ASPA: variants seen among roughly 807,000 people sequenced by gnomAD.
The protein encoded by ASPA is aspartoacylase.
Under a neutral mutation model 29.6 loss-of-function variants are expected in ASPA, and 25 were observed. The ratio of observed to expected loss-of-function variants is 0.85; its 90% CI spans 0.62 to 1.18. The LOEUF is 1.18. Ranked by LOEUF, ASPA falls within the 50% of genes most tolerant of loss-of-function variation. The pLI, the probability that ASPA is intolerant of heterozygous loss-of-function variation, is 0.00. For synonymous variants in ASPA, 131 were observed against 130.3 expected (o/e 1.01, Z -0.04); for missense variants, 333 against 385.7 (o/e 0.86, Z 1.14).
At chr17:3,484,290 T>C (rs2073682802) in intron 3 of ASPA, among the ~76,000 whole-genome samples, 1 of 152,194 alleles carries the variant, frequency 6.6e-6, no homozygotes, top group Non-Finnish European at 1.5e-5. Flanking sequence ...AACCCTGTGC[T>C]AGGTGCGGGG....
At chr17:3,484,308 C>A (rs1032068724) in intron 3 of ASPA, among the ~76,000 whole-genome samples, 3 of 152,164 alleles carry the variant, frequency 2.0e-5, no homozygotes, top group African/African-American at 7.2e-5. Flanking sequence ...GGGGACAGAA[C>A]AATGAGCAAG....
At chr17:3,494,568 C>T in intron 5 of ASPA, 109 bp downstream of exon 5, 1 of 881,730 alleles carries the variant, frequency 1.1e-6, no homozygotes. Flanking sequence ...TTGATGCTCT[C>T]ATTAGACACT....
rs767152579 is a variant in ASPA, at chr17:3,489,320, T to C, written c.612T>C (p.Asp204=). The change falls in exon 4 of 6, where the codon GAT becomes GAC. Residue 204 remains aspartate, a synonymous_variant. Coordinates refer to ENST00000263080, the MANE Select transcript of ASPA (RefSeq NM_000049.4). ...QMRKMIKHAL[D]FIHHFNEGKE... ...GAAAAATGATTAAACATGCTCTTGA[T>C]TTTATACATCATTTCAATGAAGGTA... 4 of 1,610,276 alleles carry C rather than the reference T, an allele frequency of 2.5e-6. No individual in the cohort carries two copies. Among genetic ancestry groups the C allele is most frequent in the Admixed American group, 3.3e-5 (2 of 60,000 alleles).
At chr17:3,474,647 A>C (rs3814886), upstream of ASPA, among the ~76,000 whole-genome samples, 2 of 152,092 alleles carry the variant, frequency 1.3e-5, no homozygotes, top group Admixed American at 6.5e-5. Flanking sequence ...TGCTTTCTCT[A>C]TCTCTGCATT....
chr17:3,497,287 C>T (rs899178948), intron 5 of ASPA, among the ~76,000 whole-genome samples: 1 of 152,154 alleles, frequency 6.6e-6, no homozygotes, highest in African/African-American at 2.4e-5. Flanking sequence ...GCCTGAAAAA[C>T]CACCGGTTCA....
chr17:3,498,722 G>A (rs750371324), intron 5 of ASPA, among the ~76,000 whole-genome samples, 169 bp from the exon 6 acceptor site: 7 of 152,130 alleles, frequency 4.6e-5, no homozygotes, highest in Non-Finnish European at 8.8e-5. Context: ...CAAAATTCAC[G>A]ACCCAATGTC....
At chr17:3,482,744 G>C (rs1217446964) in intron 2 of ASPA, among the ~76,000 whole-genome samples, 1 of 151,434 alleles carries the variant, frequency 6.6e-6, no homozygotes, top group Non-Finnish European at 1.5e-5. Flanking sequence ...AGTGGTCCTG[G>C]TAGGAGATCA....
At chr17:3,496,038 C>T (rs980951091) in intron 5 of ASPA, among the ~76,000 whole-genome samples, 1 of 151,972 alleles carries the variant, frequency 6.6e-6, no homozygotes, top group Non-Finnish European at 1.5e-5. Flanking sequence ...AAAAATAATC[C>T]CAGGCAGACG....
Position 3,490,537 on chromosome 17 carries a change from G to GTGC in ASPA, c.634+1196_634+1198dup, listed in dbSNP as rs146298106. Among the ~76,000 whole-genome samples the GTGC allele has an allele frequency of 0.22, 32,877 of 152,002 alleles. 3,808 individuals are homozygous for GTGC. The highest frequency in any genetic ancestry group is 0.26 in the Non-Finnish European group (17,963 of 67,952). ...GGAGTGAATTCCTCAACCTCAGATC[G>GTGC]TGCGCACCCCACTGCAATCACAGAC... On this transcript the variant is annotated intron_variant, in intron 4 of 5. Transcript: ENST00000263080. This position sits in a 1 kb window ranked among gnomAD's most constrained non-coding sequence, Gnocchi z 4.6.
intron 5 of ASPA, among the ~76,000 whole-genome samples, 155 bp from the exon 6 acceptor site, chr17:3,498,736 G>A (rs1028968132): frequency 2.0e-5 from 3 of 152,126 alleles, no homozygotes; most frequent in Admixed American, 6.5e-5. Flanking sequence ...CAATGTCAGC[G>A]CAGTCAGATC....
Position 3,489,311 on chromosome 17 carries a change from T to A in ASPA, c.603T>A (p.His201Gln), listed in dbSNP as rs769947909. ...ATCAAATGAGAAAAATGATTAAACATGCTCTTGATTTTATACATCATTTCA... is the reference window on the plus strand; with the variant it reads ...ATCAAATGAGAAAAATGATTAAACAAGCTCTTGATTTTATACATCATTTCA... ...ILDQMRKMIK[H>Q]ALDFIHHFNE... The change falls in exon 4 of 6, where the codon CAT becomes CAA. Residue 201 changes from histidine (H) to glutamine (Q), a missense_variant. By Grantham distance (24) the His-to-Gln change is conservative. Transcript: ENST00000263080. 1.2e-6 allele frequency: 2 copies of A among 1,613,078 alleles called. No individual in the cohort carries two copies. The highest frequency in any genetic ancestry group is 1.7e-5 in the Admixed American group (1 of 60,000).
At chr17:3,494,956 G>T (rs2073885493) in intron 5 of ASPA, among the ~76,000 whole-genome samples, 1 of 152,260 alleles carries the variant, frequency 6.6e-6, no homozygotes, top group African/African-American at 2.4e-5. Context: ...CGCATCACTT[G>T]CTACCTCCCT....
At position 3,494,446 on chromosome 17, in the gene ASPA, A is replaced by G. The variant is rs1057516995; in HGVS notation, c.731A>G (p.His244Arg). 7 of 1,604,164 alleles carry G rather than the reference A, an allele frequency of 4.4e-6. No individual in the cohort carries two copies. The highest frequency in any genetic ancestry group is 6.0e-6 in the Non-Finnish European group (7 of 1,170,866). ...DENGEIAAII[H>R]PNLQDQDWKP... ...AATGGAGAAATTGCTGCTATCATCC[A>G]TCCTAATCTGCAGGTAACATTTGTT... The change falls in exon 5 of 6, where the codon CAT (histidine) becomes CGT (arginine). Residue 244 changes from histidine (H) to arginine (R), a missense_variant. Transcript: ENST00000263080.
rs1018213095 is a variant in ASPA, at chr17:3,498,946, G to A, written c.800G>A (p.Gly267Glu). Residue 267 changes from glycine to glutamate, a missense_variant, in exon 6 of 6, where the codon GGG becomes GAG. Physicochemically the swap from Gly to Glu is moderately conservative, Grantham distance 98 (BLOSUM62 -2). Transcript: ENST00000263080. The part of the protein sequence containing the change: ...PGDPMFLTLD[G>E]KTIPLGGDCT... ...GATCCCATGTTTTTAACTCTTGATG[G>A]GAAGACGATCCCACTGGGCGGAGAC... 4 of 1,612,270 alleles carry A rather than the reference G, an allele frequency of 2.5e-6. No homozygotes were observed. Among genetic ancestry groups the A allele is most frequent in the Non-Finnish European group, 3.4e-6 (4 of 1,178,970 alleles).
chr17:3,497,103 C>G (rs541148335), intron 5 of ASPA, among the ~76,000 whole-genome samples: 1 of 152,152 alleles, frequency 6.6e-6, no homozygotes, highest in South Asian at 2.1e-4. Flanking sequence ...AGTCCTCTTC[C>G]CAGGGGCTCT....
In ASPA at chr17:3,485,934, CTT is replaced by C. The variant is rs145731380; in HGVS notation, c.526+2356_526+2357del. ...CAGTGGTTGCATTCTAGGAGGGAAC[CTT>C]TTTTTTTTTTTTTGAGACGGAGTTT... On this transcript the variant is annotated intron_variant, in intron 3 of 5. Transcript: ENST00000263080. This position sits in a 1 kb window ranked among gnomAD's most constrained non-coding sequence, Gnocchi z 4.4. 0.019 allele frequency among the ~76,000 whole-genome samples: 2,724 copies of C among 142,320 alleles called. 37 individuals are homozygous for C. The highest frequency in any genetic ancestry group is 0.033 in the Middle Eastern group (9 of 270). The allele number at this position is 142,320 out of a possible 152,430, so 93.4% of individuals were successfully genotyped here.
At chr17:3,475,861 G>C (rs1156315402), upstream of ASPA, 1 of 390,280 alleles carries the variant, frequency 2.6e-6, no homozygotes, top group East Asian at 5.0e-5. Context: ...ATTTATTACT[G>C]TATTTAGATC....
In ASPA at chr17:3,494,249, C is replaced by A; in HGVS notation, c.635-101C>A. 1.4e-5 allele frequency: 12 copies of A among 843,866 alleles called. No homozygotes were observed. The South Asian group carries it at 1.5e-4, about 10-fold the overall frequency. 52.3% of individuals were successfully genotyped at this position (843,866 alleles called of 1,614,324 possible). ...GAACTCCTGACCTCAGGTGATCCAC[C>A]CAACTCGGCCTCCCAAAGTGCTGGG... On this transcript the variant is annotated intron_variant, in intron 4 of 5. Coordinates refer to ENST00000263080, the MANE Select transcript of ASPA (RefSeq NM_000049.4).
At chr17:3,478,190 A>T (rs1400429519) in intron 1 of ASPA, among the ~76,000 whole-genome samples, 9 of 150,384 alleles carry the variant, frequency 6.0e-5, no homozygotes, top group African/African-American at 9.9e-5. Context: ...GTCTCAAAAA[A>T]AAAAATATAT....
Sources: allele counts gnomAD v4.1 joint callset (sites outside exome capture counted in the v4.1 genomes callset), GRCh38; gene constraint gnomAD v4.1.1; non-coding constraint Gnocchi (gnomAD v3.1); transcripts MANE v1.5; gene names NCBI Gene and HGNC (gene_info 2026-07-23, HGNC 2026-07-21).